Variants in FBXO31 observed in about 807,000 individuals in gnomAD.
FBXO31 encodes the protein F-box protein 31, also known as F-box only protein 31.
Under a neutral mutation model 54.4 loss-of-function variants are expected in FBXO31, and 24 were observed. That is an observed-to-expected ratio of 0.44 (90% CI 0.32 to 0.62). The LOEUF (loss-of-function observed/expected upper bound fraction) is 0.62, where lower values mean the gene tolerates loss of function less well. FBXO31 is among the 20% of genes least tolerant of loss of function. FBXO31 has a pLI of 0.05. For missense variants in FBXO31, 665 were observed against 787.1 expected (o/e 0.84, Z 1.86); for synonymous variants, 388 against 335.6 (o/e 1.16, Z -1.71).
At chr16:87,378,320 G>A (rs1192162816) in intron 1 of FBXO31, among the ~76,000 whole-genome samples, 1 of 152,064 alleles carries the variant, frequency 6.6e-6, no homozygotes, top group Admixed American at 6.5e-5. Flanking sequence ...TAGTTATCAG[G>A]CAAATGCAAA....
In FBXO31 at chr16:87,333,767, C is replaced by T. The variant is rs539064460; in HGVS notation, c.1397+119G>A. 49 of 1,420,068 alleles carry T rather than the reference C, an allele frequency of 3.5e-5. No homozygotes were observed. The Admixed American group carries it at 8.7e-4, about 25-fold the overall frequency. The allele number at this position is 1,420,068 out of a possible 1,614,324, so 88.0% of individuals were successfully genotyped here. Reference sequence around the variant, plus strand: ...AGGCCGCACTCCTGTCCCAAAGCACCGGCTGCCGCCCTCTGTGAGGTCACA... The same window carrying T: ...AGGCCGCACTCCTGTCCCAAAGCACTGGCTGCCGCCCTCTGTGAGGTCACA... On this transcript the variant is annotated intron_variant, in intron 8 of 8. Transcript: ENST00000311635.
rs1019421186 is a variant in FBXO31, at chr16:87,338,233, C to T, written c.733-1969G>A. The stretch of plus-strand genomic sequence containing the variant: ...TCATCAGAGCAACACATACAAGCCA[C>T]AAGAAAAAAAAAAAAACAGGGAGCC... On this transcript the variant is annotated intron_variant, in intron 5 of 8. Coordinates refer to ENST00000311635, the MANE Select transcript of FBXO31 (RefSeq NM_024735.5). The surrounding 1 kb of genome is among the most constrained non-coding windows in gnomAD (Gnocchi z 4.3). 6.8e-6 allele frequency among the ~76,000 whole-genome samples: 1 copy of T among 146,220 alleles called. No homozygotes were observed. The highest frequency in any genetic ancestry group is 2.0e-4 in the East Asian group (1 of 5,048).
chr16:87,366,233 ATT>A (rs1022881522), intron 1 of FBXO31, among the ~76,000 whole-genome samples: 4 of 152,198 alleles, frequency 2.6e-5, no homozygotes, highest in African/African-American at 9.6e-5. Flanking sequence ...ACACATCATT[ATT>A]GGTTTGTTAA....
intron 1 of FBXO31, among the ~76,000 whole-genome samples, chr16:87,362,188 T>TTTTC (rs1906163008): frequency 6.6e-6 from 1 of 152,128 alleles, no homozygotes; most frequent in Non-Finnish European, 1.5e-5. Context: ...AGCATTCACA[T>TTTTC]TTTCTAGTAG....
chr16:87,342,047 T>C (rs1316691789), intron 5 of FBXO31, among the ~76,000 whole-genome samples: 2 of 152,136 alleles, frequency 1.3e-5, no homozygotes, highest in African/African-American at 4.8e-5. Context: ...CCCCGTAGCA[T>C]GGTAGCATGC....
In FBXO31 at chr16:87,336,229, G is replaced by C; in HGVS notation, c.768C>G (p.Arg256=). The C allele has an allele frequency of 6.2e-7, 1 of 1,614,196 alleles. No homozygotes were observed. The highest frequency in any genetic ancestry group is 1.1e-5 in the South Asian group (1 of 91,080). ...FRTWLREEWG[R]TLEDIFHEHM... is the part of the protein sequence containing the mutation. ...GCTCGTGGAAGATGTCCTCCAGCGT[G>C]CGCCCCCATTCCTCCCTCAGCCACG... Residue 256 remains arginine, a synonymous_variant, in exon 6 of 9, where the codon CGC becomes CGG. Transcript: ENST00000311635. The surrounding 1 kb of genome is among the most constrained non-coding windows in gnomAD (Gnocchi z 6.5).
intron 5 of FBXO31, among the ~76,000 whole-genome samples, chr16:87,340,710 C>T (rs1012449071): frequency 3.3e-5 from 5 of 152,172 alleles, no homozygotes; most frequent in Non-Finnish European, 5.9e-5. Flanking sequence ...GTAGCCCCAG[C>T]ACTTTGGGAG....
chr16:87,341,143 T>A (rs1905181066), intron 5 of FBXO31, among the ~76,000 whole-genome samples: 1 of 152,170 alleles, frequency 6.6e-6, no homozygotes, highest in African/African-American at 2.4e-5. Context: ...TGGGTGTTTC[T>A]CTCATTTCCA....
At chr16:87,388,797 T>G (rs1323039983) in intron 1 of FBXO31, 1 of 152,224 alleles carries the variant, frequency 6.6e-6, no homozygotes, top group Non-Finnish European at 1.5e-5. Flanking sequence ...CTGCTGGACT[T>G]TGAAGAATGA....
Position 87,336,383 on chromosome 16 carries a change from G to A in FBXO31, c.733-119C>T. 1.2e-6 allele frequency: 1 copy of A among 814,268 alleles called. No homozygotes were observed. Among genetic ancestry groups the A allele is most frequent in the Admixed American group, 2.2e-5 (1 of 46,328 alleles). 50.4% of individuals were successfully genotyped at this position (814,268 alleles called of 1,614,324 possible). A position where few individuals can be genotyped will look rare whatever the true frequency, so the allele number is the denominator to read the frequency against. On this transcript the variant is annotated intron_variant, in intron 5 of 8. Transcript: ENST00000311635. The surrounding 1 kb of genome is among the most constrained non-coding windows in gnomAD (Gnocchi z 6.5). ...TTTGTCAGTGCACAGGCACCTGCAG[G>A]GCCCTCTTGGTGGGGGAGGATGGAC... is the stretch of plus-strand genomic sequence containing the variant.
chr16:87,364,363 G>A (rs1014856257), intron 1 of FBXO31, among the ~76,000 whole-genome samples: 11 of 152,252 alleles, frequency 7.2e-5, no homozygotes, highest in East Asian at 5.8e-4. Flanking sequence ...GCACTCTAGT[G>A]AGCGCTGCAG....
At chr16:87,337,253 T>C (rs1905066589) in intron 5 of FBXO31, among the ~76,000 whole-genome samples, 1 of 152,248 alleles carries the variant, frequency 6.6e-6, no homozygotes, top group Admixed American at 6.5e-5. Context: ...TAAGATCTAT[T>C]CTGAAAACCA....
At chr16:87,384,142 C>A, upstream of FBXO31, 1 of 154,018 alleles carries the variant, frequency 6.5e-6, no homozygotes, top group East Asian at 1.9e-4. Flanking sequence ...ATAGGGGTCG[C>A]CCCTCGCGCC....
intron 2 of FBXO31, among the ~76,000 whole-genome samples, chr16:87,348,376 T>A (rs1036662526): frequency 7.9e-5 from 12 of 152,314 alleles, no homozygotes; most frequent in African/African-American, 2.9e-4. Context: ...CCACTGTTAG[T>A]TCCCATCATT....
intron 1 of FBXO31, among the ~76,000 whole-genome samples, chr16:87,364,172 G>T (rs1013474011): frequency 2.0e-5 from 3 of 152,226 alleles, no homozygotes; most frequent in Non-Finnish European, 4.4e-5. Flanking sequence ...CAACCAGGAA[G>T]GGGCTGCAGA....
At chr16:87,375,934 A>G (rs1165584885) in intron 1 of FBXO31, among the ~76,000 whole-genome samples, 1 of 152,172 alleles carries the variant, frequency 6.6e-6, no homozygotes, top group Non-Finnish European at 1.5e-5. Flanking sequence ...GAGTCACTCC[A>G]CTTCCCCACA....
At chr16:87,363,151 G>A (rs556720292) in intron 1 of FBXO31, among the ~76,000 whole-genome samples, 4 of 152,274 alleles carry the variant, frequency 2.6e-5, no homozygotes, top group South Asian at 2.1e-4. Flanking sequence ...TTGGGAGGTC[G>A]AGGTGGGAAG....
At position 87,346,049 on chromosome 16, in the gene FBXO31, C is replaced by T. The variant is rs548792815; in HGVS notation, c.489+1125G>A. The stretch of plus-strand genomic sequence containing the variant: ...TGAGAGGAGAAGGGGCCAAGCGAAG[C>T]GTGACTCACAAAGCCAGGAAGAGAA... On this transcript the variant is annotated intron_variant, in intron 3 of 8. Coordinates refer to ENST00000311635, the MANE Select transcript of FBXO31 (RefSeq NM_024735.5). This position sits in a 1 kb window ranked among gnomAD's most constrained non-coding sequence, Gnocchi z 4.2. Among the ~76,000 whole-genome samples the T allele has an allele frequency of 9.2e-5, 14 of 152,040 alleles. No homozygotes were observed. The highest frequency in any genetic ancestry group is 1.8e-4 in the Non-Finnish European group (12 of 68,004).
chr16:87,390,543 C>T (rs969069477), upstream of FBXO31, among the ~76,000 whole-genome samples: 11 of 151,618 alleles, frequency 7.3e-5, no homozygotes, highest in Middle Eastern at 3.4e-3. Context: ...CGGTTTCAAG[C>T]GATTCTCCTG....
Sources: allele counts gnomAD v4.1 joint callset (sites outside exome capture counted in the v4.1 genomes callset), GRCh38; gene constraint gnomAD v4.1.1; non-coding constraint Gnocchi (gnomAD v3.1); transcripts MANE v1.5; gene names NCBI Gene and HGNC (gene_info 2026-07-23, HGNC 2026-07-21).